NME7: variants seen among roughly 807,000 people sequenced by gnomAD.
NME7 encodes nucleoside diphosphate kinase 7.
A neutral mutation model predicts 49.1 loss-of-function variants in NME7; 41 were observed. That is an observed-to-expected ratio of 0.83 (90% CI 0.65 to 1.08). The LOEUF (loss-of-function observed/expected upper bound fraction) is 1.08. Ranked by LOEUF, NME7 falls within the 50% of genes least tolerant of loss-of-function variation. The pLI is 0.00. For synonymous variants in NME7, 139 were observed against 150.6 expected, an observed-to-expected ratio of 0.92 and a Z score of 0.56; for missense variants, 423 against 463.4, an observed-to-expected ratio of 0.91 and a Z score of 0.80.
At chr1:169,172,933 G>A (rs1326976111) in intron 10 of NME7, among the ~76,000 whole-genome samples, 3 of 152,152 alleles carry the variant, frequency 2.0e-5, no homozygotes, top group Non-Finnish European at 4.4e-5. Flanking sequence ...TTCAATCCCT[G>A]AACACAATAT....
At chr1:169,336,477 A>C (rs1652479882) in intron 1 of NME7, among the ~76,000 whole-genome samples, 2 of 152,280 alleles carry the variant, frequency 1.3e-5, no homozygotes, top group South Asian at 4.2e-4. Flanking sequence ...AGCTAGATAC[A>C]AAGGTTCTTC....
intron 10 of NME7, chr1:169,190,522 C>CT (rs34764111): frequency 0.34 from 83,796 of 245,164 alleles, 11,807 homozygotes; most frequent in East Asian, 0.67. Flanking sequence ...AATTTTTCTT[C>CT]TTTTTTTTTT....
chr1:169,354,759 T>C (rs1211456731), intron 1 of NME7, among the ~76,000 whole-genome samples: 1 of 141,818 alleles, frequency 7.1e-6, no homozygotes, highest in African/African-American at 2.6e-5. Flanking sequence ...TATGGGTGTG[T>C]ATATATGTTT....
chr1:169,144,229 T>C (rs4656179), intron 11 of NME7, among the ~76,000 whole-genome samples: 67,657 of 151,682 alleles, frequency 0.45, 15,509 homozygotes, highest in East Asian at 0.79. Context: ...AAGACAAAAA[T>C]AAAAAACCAA....
intron 10 of NME7, among the ~76,000 whole-genome samples, chr1:169,193,697 T>C (rs1660295632): frequency 6.6e-6 from 1 of 152,188 alleles, no homozygotes; most frequent in Admixed American, 6.5e-5. Flanking sequence ...CTGGTGGCTA[T>C]GCTCCATTCC....
At chr1:169,206,663 AAATT>A (rs1660682476) in intron 10 of NME7, among the ~76,000 whole-genome samples, 1 of 152,204 alleles carries the variant, frequency 6.6e-6, no homozygotes, top group Non-Finnish European at 1.5e-5. Flanking sequence ...GAATTGCAGG[AAATT>A]AATTACTCTA....
At chr1:169,184,367 T>C (rs1660011626) in intron 10 of NME7, among the ~76,000 whole-genome samples, 1 of 152,330 alleles carries the variant, frequency 6.6e-6, no homozygotes, top group East Asian at 1.9e-4. Context: ...TTCAAAACTG[T>C]CATTTGATAG....
chr1:169,289,407 C>A (rs1265240065), intron 6 of NME7, among the ~76,000 whole-genome samples: 1 of 152,094 alleles, frequency 6.6e-6, no homozygotes, highest in Non-Finnish European at 1.5e-5. Context: ...CTAATAAATT[C>A]TGCATGTGCT....
intron 7 of NME7, among the ~76,000 whole-genome samples, chr1:169,250,227 T>A (rs993208418): frequency 7.2e-5 from 11 of 152,106 alleles, no homozygotes; most frequent in African/African-American, 2.7e-4. Flanking sequence ...CTGGAATTTA[T>A]CCATTTCCTC....
intron 10 of NME7, among the ~76,000 whole-genome samples, chr1:169,195,795 A>G (rs904394221): frequency 6.6e-6 from 1 of 152,222 alleles, no homozygotes; most frequent in South Asian, 2.1e-4. Flanking sequence ...TTTTCTGAAT[A>G]TATCAGTGAA....
chr1:169,132,968 C>A (rs959756699), intron 11 of NME7, 151 bp from the exon 12 acceptor site: 7 of 549,510 alleles, frequency 1.3e-5, no homozygotes, highest in African/African-American at 1.2e-4. Flanking sequence ...GGCAGAGAAT[C>A]GATGAAGCTC....
chr1:169,169,662 T>C (rs994999925), intron 10 of NME7, 108 bp from the exon 11 acceptor site: 39 of 956,438 alleles, frequency 4.1e-5, no homozygotes, highest in African/African-American at 4.1e-4. Flanking sequence ...ATGTTATATA[T>C]AGACAGTGCT....
In NME7 at chr1:169,298,608, T is replaced by C; in HGVS notation, c.596A>G (p.Asp199Gly). The C allele has an allele frequency of 6.2e-7, 1 of 1,613,990 alleles. No individual in the cohort carries two copies. Among genetic ancestry groups the C allele is most frequent in the Non-Finnish European group, 8.5e-7 (1 of 1,179,912 alleles). The change falls in exon 6 of 12, where the codon GAT becomes GGT. Residue 199 changes from aspartate (D) to glycine (G), a missense_variant. Physicochemically the swap from Asp to Gly is moderately conservative, Grantham distance 94. Coordinates refer to ENST00000367811, the MANE Select transcript of NME7 (RefSeq NM_013330.5). ...SESIRALFGT[D>G]GIRNAAHGPD... ...GCCATGCGCTGCATTTCTTATGCCATCTGTTCCAAAGAGGGCTCTAATGCT... is the reference window on the plus strand; with the variant it reads ...GCCATGCGCTGCATTTCTTATGCCACCTGTTCCAAAGAGGGCTCTAATGCT...
At chr1:169,197,789 T>C (rs546072240) in intron 10 of NME7, among the ~76,000 whole-genome samples, 1 of 152,220 alleles carries the variant, frequency 6.6e-6, no homozygotes, top group East Asian at 1.9e-4. Flanking sequence ...AAAACCTTTA[T>C]GATGCTGGCT....
intron 1 of NME7, among the ~76,000 whole-genome samples, chr1:169,354,986 TATATA>T (rs1179666042): frequency 3.0e-4 from 14 of 46,926 alleles, no homozygotes; most frequent in Admixed American, 8.1e-4. Flanking sequence ...TATATGTTTA[TATATA>T]ATATAATTAT....
intron 11 of NME7, among the ~76,000 whole-genome samples, chr1:169,136,795 T>A (rs1411040383): frequency 6.6e-6 from 1 of 152,236 alleles, no homozygotes; most frequent in African/African-American, 2.4e-5. Context: ...TAATTTCACA[T>A]ATAAATCTCA....
At chr1:169,238,600 A>G (rs10489417) in intron 7 of NME7, among the ~76,000 whole-genome samples, 12,555 of 151,730 alleles carry the variant, frequency 0.083, 702 homozygotes, top group Admixed American at 0.19. Context: ...CGTATTTACT[A>G]TCTTACCATA....
At chr1:169,292,264 G>T (rs1000437097) in intron 6 of NME7, among the ~76,000 whole-genome samples, 2 of 152,018 alleles carry the variant, frequency 1.3e-5, no homozygotes, top group Admixed American at 1.3e-4. Flanking sequence ...GGTGACCTTA[G>T]GTGTGGGAAC....
chr1:169,257,197 T>C lies in NME7; in HGVS notation c.755-19510A>G, dbSNP rs1307434429. ...ACCTTGCAGTTTGATCTCAGACTGC[T>C]GTGCTGGCAATCGGCGAGACTCCGT... On this transcript the variant is annotated intron_variant, in intron 7 of 11. Coordinates refer to ENST00000367811, the MANE Select transcript of NME7 (RefSeq NM_013330.5). 3.7e-5 allele frequency among the ~76,000 whole-genome samples: 5 copies of C among 134,098 alleles called. 2 individuals are homozygous for C. Among genetic ancestry groups the C allele is most frequent in the Non-Finnish European group, 8.8e-5 (5 of 56,928 alleles). The allele number at this position is 134,098 out of a possible 152,430, so 88.0% of individuals were successfully genotyped here. A position where few individuals can be genotyped will look rare whatever the true frequency, so the allele number is the denominator to read the frequency against.
Sources: gnomAD v4.1 joint callset for allele counts (sites outside exome capture counted in the v4.1 genomes callset) on GRCh38, gnomAD v4.1.1 for gene constraint, MANE v1.5 for transcripts, NCBI Gene and HGNC (gene_info 2026-07-23, HGNC 2026-07-21) for gene names.